KDM5A: variants seen among roughly 807,000 people sequenced by gnomAD.
KDM5A encodes lysine-specific demethylase 5A.
In KDM5A, 42 loss-of-function variants were observed where a neutral mutation model predicts 193.5. The observed-to-expected ratio is 0.22, with a 90% confidence interval of 0.17 to 0.28. KDM5A has a LOEUF of 0.28. Among genes scored for constraint, KDM5A ranks in the 10% least tolerant of loss-of-function variants. The pLI is 1.00. For synonymous variants in KDM5A, 796 were observed against 718.1 expected (o/e 1.11, Z -1.73); for missense variants, 1,692 against 2,055.1 (o/e 0.82, Z 3.42).
chr12:388,163 C>T (rs1944668982), intron 1 of KDM5A: 1 of 384,162 alleles, frequency 2.6e-6, no homozygotes, highest in African/African-American at 2.1e-5. Context: ...CACCTTTGAC[C>T]TTGAGTAATC....
intron 17 of KDM5A, among the ~76,000 whole-genome samples, chr12:321,326 T>C (rs932393969): frequency 1.3e-5 from 2 of 152,240 alleles, no homozygotes; most frequent in Non-Finnish European, 2.9e-5. Context: ...GATCTACAAG[T>C]ATTAAACATT....
chr12:352,413 T>C, intron 8 of KDM5A, 89 bp from the exon 9 acceptor site: 3 of 1,203,584 alleles, frequency 2.5e-6, no homozygotes, highest in Non-Finnish European at 3.7e-6. Context: ...TTTGATCATT[T>C]CCCTAGGTAA....
intron 14 of KDM5A, among the ~76,000 whole-genome samples, chr12:325,579 C>T (rs983250877): frequency 2.0e-5 from 3 of 152,070 alleles, no homozygotes; most frequent in East Asian, 1.9e-4. Context: ...AGGAGGCTGA[C>T]GCAGAATTGC....
At position 285,329 on chromosome 12, in the gene KDM5A, G is replaced by T. The variant is rs1379392351; in HGVS notation, c.*127C>A. ...ATGCAAAGAGGAAGCCAGCACTAAG[G>T]GGACTTTCTCTGAAGGCCATTCATC... On this transcript the variant is annotated 3_prime_UTR_variant, in exon 28 of 28. Coordinates refer to ENST00000399788, the MANE Select transcript of KDM5A (RefSeq NM_001042603.3). 7 of 778,966 alleles carry T rather than the reference G, an allele frequency of 9.0e-6. No homozygotes were observed. In the Admixed American group the frequency reaches 1.3e-4, roughly 14 times the overall value. 48.3% of individuals were successfully genotyped at this position (778,966 alleles called of 1,614,324 possible). A position where few individuals can be genotyped will look rare whatever the true frequency, so the allele number is the denominator to read the frequency against.
intron 12 of KDM5A, 81 bp from the exon 13 acceptor site, chr12:332,019 T>C: frequency 7.6e-7 from 1 of 1,310,288 alleles, no homozygotes. Flanking sequence ...ATTAGATAAT[T>C]TCAGATGCAT....
At chr12:334,010 G>A (rs1255852069) in intron 11 of KDM5A, among the ~76,000 whole-genome samples, 3 of 152,108 alleles carry the variant, frequency 2.0e-5, no homozygotes, top group Admixed American at 2.0e-4. Flanking sequence ...TGTGAATAAT[G>A]GACATTTCAA....
At position 331,811 on chromosome 12, in the gene KDM5A, G is replaced by C; in HGVS notation, c.1773+8C>G. The C allele has an allele frequency of 1.2e-6, 2 of 1,613,874 alleles. No individual in the cohort carries two copies. Among genetic ancestry groups the C allele is most frequent in the Non-Finnish European group, 1.7e-6 (2 of 1,179,838 alleles). On this transcript the variant is annotated splice_region_variant and intron_variant, in intron 13 of 27. Coordinates refer to ENST00000399788, the MANE Select transcript of KDM5A (RefSeq NM_001042603.3). Reference sequence around the variant, plus strand: ...AGACGTACAACAGCCACTTGCTATAGAACAGACCCAGTCAGCAGTACAGAA... The same window carrying C: ...AGACGTACAACAGCCACTTGCTATACAACAGACCCAGTCAGCAGTACAGAA...
intron 10 of KDM5A, among the ~76,000 whole-genome samples, chr12:345,038 C>T (rs918963202): frequency 7.2e-5 from 11 of 151,874 alleles, no homozygotes; most frequent in Non-Finnish European, 1.3e-4. Context: ...CGTGCAAAGA[C>T]GCACACAGGC....
At chr12:383,938 C>T in intron 3 of KDM5A, 93 bp downstream of exon 3, 4 of 1,330,972 alleles carry the variant, frequency 3.0e-6, no homozygotes, top group Admixed American at 1.7e-5. Flanking sequence ...TCAAACAAAT[C>T]CTCTATTGGA....
At chr12:350,427 C>CAAA (rs10616968) in intron 10 of KDM5A, among the ~76,000 whole-genome samples, 194 bp downstream of exon 10, 58 of 101,144 alleles carry the variant, frequency 5.7e-4, no homozygotes, top group Admixed American at 1.5e-3. Context: ...GATTCCTTCT[C>CAAA]AAAAAAAAAA....
chr12:312,935 C>T (rs1943606837), intron 20 of KDM5A, 121 bp downstream of exon 20: 5 of 1,131,934 alleles, frequency 4.4e-6, no homozygotes, highest in East Asian at 2.5e-5. Flanking sequence ...AATCACAAAT[C>T]GATCTAAGTT....
intron 27 of KDM5A, among the ~76,000 whole-genome samples, chr12:291,371 T>C (rs542673246): frequency 1.8e-4 from 28 of 152,360 alleles, no homozygotes; most frequent in Non-Finnish European, 3.4e-4. Flanking sequence ...TTTTTGTACT[T>C]ACATCTCAAT....
rs563858325 is a variant in KDM5A, at chr12:344,564, T to C, written c.1308+6057A>G. Among the ~76,000 whole-genome samples, 21 of 152,264 alleles carry C rather than the reference T, an allele frequency of 1.4e-4. No homozygotes were observed. The East Asian group carries it at 3.7e-3, about 27-fold the overall frequency. On this transcript the variant is annotated intron_variant, in intron 10 of 27. Coordinates refer to ENST00000399788, the MANE Select transcript of KDM5A (RefSeq NM_001042603.3). ...GGAAGCCCATCAGACTAACAGCGGA[T>C]CTCTCGGCAGAAACCCTACAAGCCA...
intron 24 of KDM5A, 50 bp from the exon 25 acceptor site, chr12:297,250 T>A (rs774810412): frequency 6.3e-7 from 1 of 1,582,550 alleles, no homozygotes; most frequent in South Asian, 1.1e-5. Context: ...ATTTAACTTA[T>A]TTTATGACAA....
intron 3 of KDM5A, among the ~76,000 whole-genome samples, chr12:375,539 A>G (rs1424209220): frequency 2.6e-5 from 4 of 152,190 alleles, no homozygotes; most frequent in African/African-American, 9.7e-5. Flanking sequence ...TTTAGCTCGG[A>G]GAAGTCTGAT....
At chr12:348,086 A>G (rs930895189) in intron 10 of KDM5A, among the ~76,000 whole-genome samples, 1 of 152,206 alleles carries the variant, frequency 6.6e-6, no homozygotes, top group Non-Finnish European at 1.5e-5. Flanking sequence ...AAACAACCCC[A>G]TCAAAAAGTG....
rs1026169682 is a variant in KDM5A at position 352,338 on chromosome 12, A to G, written c.1030-14T>C. 6.2e-7 allele frequency: 1 copy of G among 1,611,688 alleles called. No individual in the cohort carries two copies. The highest frequency in any genetic ancestry group is 8.5e-7 in the Non-Finnish European group (1 of 1,177,800). Reference sequence around the variant, plus strand: ...TTTGCTACATTCCTGGAAAGAAAAAATATGTAAGATTAACTTACTGAAACT... The same window carrying G: ...TTTGCTACATTCCTGGAAAGAAAAAGTATGTAAGATTAACTTACTGAAACT... On this transcript the variant is annotated splice_polypyrimidine_tract_variant and intron_variant, in intron 8 of 27. Coordinates refer to ENST00000399788, the MANE Select transcript of KDM5A (RefSeq NM_001042603.3).
In KDM5A at chr12:313,057, T is replaced by G; in HGVS notation, c.3035A>C (p.Gln1012Pro). 1 of 1,614,136 alleles carries G rather than the reference T, an allele frequency of 6.2e-7. No individual in the cohort carries two copies. Among genetic ancestry groups the G allele is most frequent in the Non-Finnish European group, 8.5e-7 (1 of 1,179,954 alleles). The change falls in exon 20 of 28, where the codon CAG becomes CCG. Residue 1012 changes from glutamine (Q) to proline (P), a missense_variant and splice_region_variant. Coordinates refer to ENST00000399788, the MANE Select transcript of KDM5A (RefSeq NM_001042603.3). The part of the protein sequence containing the change: ...REWTAKVEAI[Q>P]SGSNYAYLEQ... ...GGGATAATCCAAAAGTCTTCTTACC[T>G]GAATAGCTTCCACTTTAGCGGTCCA...
rs1191835283 is a variant in KDM5A, at chr12:365,859, T to C, written c.537+75A>G. 2.7e-6 allele frequency: 4 copies of C among 1,498,114 alleles called. No individual in the cohort carries two copies. The Admixed American group carries it at 5.0e-5, about 19-fold the overall frequency. 92.8% of individuals were successfully genotyped at this position (1,498,114 alleles called of 1,614,324 possible). On this transcript the variant is annotated intron_variant, in intron 4 of 27. Coordinates refer to ENST00000399788, the MANE Select transcript of KDM5A (RefSeq NM_001042603.3). ...AAATTTTGGTGCCTGCTAACTTGGGTTAAACACAGTCTAAAGTTTGTACTT... is the reference window on the plus strand; with the variant it reads ...AAATTTTGGTGCCTGCTAACTTGGGCTAAACACAGTCTAAAGTTTGTACTT...
Sources: gnomAD v4.1 joint callset for allele counts (sites outside exome capture counted in the v4.1 genomes callset) on GRCh38, gnomAD v4.1.1 for gene constraint, MANE v1.5 for transcripts, NCBI Gene and HGNC (gene_info 2026-07-23, HGNC 2026-07-21) for gene names.